Variants in MIER2 observed in about 807,000 individuals in gnomAD.
MIER2 encodes the protein mesoderm induction early response protein 2.
A neutral mutation model predicts 67.6 loss-of-function variants in MIER2; 30 were observed. The observed-to-expected ratio is 0.44, with a 90% CI of 0.33 to 0.60. MIER2 has a LOEUF of 0.60. Among genes scored for constraint, MIER2 ranks in the 20% least tolerant of loss-of-function variants. The probability of loss-of-function intolerance (pLI) is 0.02; values close to 1 mark genes in which losing one functional copy is unlikely to be tolerated. For missense variants in MIER2, 702 were observed against 745.1 expected (o/e 0.94, Z 0.67); for synonymous variants, 372 against 312.6 (o/e 1.19, Z -2.00).
chr19:344,197 C>T, intron 1 of MIER2: 1 of 985,436 alleles, frequency 1.0e-6, no homozygotes, highest in South Asian at 4.7e-5. Context: ...GACCCACCCA[C>T]CCTGCGCCCA....
rs1970772783 is a variant in MIER2 at position 308,572 on chromosome 19, C to G, written c.1198+5G>C. ...CCAGGGCAGGAGATACTCCCCAAGC[C>G]TCACCTGTGCGCATCCCAGTCAGGG... On this transcript the variant is annotated splice_donor_5th_base_variant and intron_variant, in intron 12 of 13. Coordinates refer to ENST00000264819, the MANE Select transcript of MIER2 (RefSeq NM_017550.3). The surrounding 1 kb of genome is among the most constrained non-coding windows in gnomAD (Gnocchi z 9.1). The G allele has an allele frequency of 6.3e-7, 1 of 1,596,238 alleles. No individual in the cohort carries two copies. Among genetic ancestry groups the G allele is most frequent in the Non-Finnish European group, 8.5e-7 (1 of 1,173,494 alleles).
chr19:309,139 C>A (rs1370668364), intron 10 of MIER2, among the ~76,000 whole-genome samples: 1 of 152,152 alleles, frequency 6.6e-6, no homozygotes, highest in Non-Finnish European at 1.5e-5. Flanking sequence ...TGTGGCACTG[C>A]CTCCTGTTTC....
chr19:334,799 A>G (rs576063689), intron 2 of MIER2, among the ~76,000 whole-genome samples: 26 of 152,280 alleles, frequency 1.7e-4, no homozygotes, highest in African/African-American at 4.1e-4. Flanking sequence ...TGTCTTCCTG[A>G]ACACAGAGAA....
intron 10 of MIER2, among the ~76,000 whole-genome samples, chr19:309,801 CACAA>C (rs1246717071): frequency 2.2e-5 from 3 of 138,112 alleles, no homozygotes; most frequent in African/African-American, 5.6e-5. Flanking sequence ...CACACACACA[CACAA>C]GGCTTCAGGG....
At chr19:324,767 G>A (rs2145457013) in intron 7 of MIER2, among the ~76,000 whole-genome samples, 1 of 152,350 alleles carries the variant, frequency 6.6e-6, no homozygotes, top group Non-Finnish European at 1.5e-5. Flanking sequence ...CTCCAGACAG[G>A]GCACCCTCAT....
At chr19:342,912 C>A (rs1356314553) in intron 1 of MIER2, among the ~76,000 whole-genome samples, 1 of 152,094 alleles carries the variant, frequency 6.6e-6, no homozygotes, top group Non-Finnish European at 1.5e-5. Flanking sequence ...CCCAAGACCA[C>A]ACAGAACAAG....
chr19:336,616 G>A (rs1470644501), intron 1 of MIER2, among the ~76,000 whole-genome samples: 1 of 152,216 alleles, frequency 6.6e-6, no homozygotes, highest in African/African-American at 2.4e-5. Context: ...CCAGGAGCCA[G>A]GGAGAGAGAC....
Position 325,672 on chromosome 19 carries a change from G to T in MIER2, c.618C>A (p.Asp206Glu). ...GCCGGTTCAAGTGCAGGTTGCTGAG[G>T]TCAGCTTGGAACTGAGGTCCCACCA... ...EIMVGPQFQA[D>E]LSNLHLNRHC... The change falls in exon 7 of 14, where the codon GAC becomes GAA. Residue 206 changes from aspartate (D) to glutamate (E), a missense_variant. Physicochemically the swap from Asp to Glu is conservative, Grantham distance 45. Coordinates refer to ENST00000264819, the MANE Select transcript of MIER2 (RefSeq NM_017550.3). The T allele has an allele frequency of 6.2e-7, 1 of 1,614,220 alleles. No homozygotes were observed. The highest frequency in any genetic ancestry group is 1.1e-5 in the South Asian group (1 of 91,086).
chr19:310,510 A>C (rs1970906652), intron 10 of MIER2, among the ~76,000 whole-genome samples: 1 of 150,812 alleles, frequency 6.6e-6, no homozygotes, highest in South Asian at 2.1e-4. Flanking sequence ...GAGTTACAAA[A>C]ACGCGGCCCT....
chr19:319,293 C>T (rs942279925), intron 7 of MIER2, among the ~76,000 whole-genome samples: 3 of 152,016 alleles, frequency 2.0e-5, no homozygotes, highest in Admixed American at 6.6e-5. Context: ...ACCTTGGAGG[C>T]GAAGTTTCCA....
At chr19:331,360 G>GAAAAAAA (rs917485905) in intron 3 of MIER2, among the ~76,000 whole-genome samples, 30 of 117,950 alleles carry the variant, frequency 2.5e-4, no homozygotes, top group African/African-American at 6.1e-4. Context: ...TCTGTCCCCA[G>GAAAAAAA]AAAAAAAAAA....
intron 3 of MIER2, 47 bp from the exon 4 acceptor site, chr19:328,036 G>A: frequency 6.2e-7 from 1 of 1,605,282 alleles, no homozygotes. Context: ...GACGGCTCTG[G>A]GGGTTCCTGT....
chr19:311,264 C>T (rs1970987510), intron 10 of MIER2, among the ~76,000 whole-genome samples: 1 of 152,250 alleles, frequency 6.6e-6, no homozygotes, highest in African/African-American at 2.4e-5. Context: ...AGATGTCTGA[C>T]TGCCAAGAGG....
intron 10 of MIER2, 87 bp from the exon 11 acceptor site, chr19:309,012 G>A (rs139315873): frequency 0.011 from 16,737 of 1,526,612 alleles, 109 homozygotes; most frequent in Non-Finnish European, 0.014. Context: ...CTGGGACCCC[G>A]GGACAGCACA....
At chr19:311,646 G>A (rs1971007444) in intron 10 of MIER2, among the ~76,000 whole-genome samples, 199 bp downstream of exon 10, 1 of 152,204 alleles carries the variant, frequency 6.6e-6, no homozygotes, top group African/African-American at 2.4e-5. Flanking sequence ...CCAGAGCCTT[G>A]TTCTTGTGGG....
Position 327,980 on chromosome 19 carries a change from T to C in MIER2, c.253A>G (p.Met85Val). The change falls in exon 4 of 14, where the codon ATG (methionine) becomes GTG (valine). Residue 85 changes from methionine (M) to valine (V), a missense_variant. By Grantham distance (21) the Met-to-Val change is conservative. Coordinates refer to ENST00000264819, the MANE Select transcript of MIER2 (RefSeq NM_017550.3). Reference sequence around the variant, plus strand: ...AGCGCAAGCAGCTCATCAAAGGGCATGTCGTTGCTCTGAGTTGGGGAAGGG... The same window carrying C: ...AGCGCAAGCAGCTCATCAAAGGGCACGTCGTTGCTCTGAGTTGGGGAAGGG... ...EKDFISQSND[M>V]PFDELLALYG... 6.2e-7 allele frequency: 1 copy of C among 1,613,182 alleles called. No individual in the cohort carries two copies. The highest frequency in any genetic ancestry group is 1.1e-5 in the South Asian group (1 of 91,036).
At chr19:334,267 C>T in intron 3 of MIER2, 133 bp downstream of exon 3, 2 of 1,297,208 alleles carry the variant, frequency 1.5e-6, no homozygotes, top group Non-Finnish European at 2.1e-6. Flanking sequence ...GCTACTAGGA[C>T]AGCATCTGGC....
intron 10 of MIER2, among the ~76,000 whole-genome samples, 188 bp from the exon 11 acceptor site, chr19:309,113 C>T (rs926711642): frequency 1.4e-4 from 21 of 152,122 alleles, no homozygotes; most frequent in African/African-American, 4.6e-4. Flanking sequence ...CCACAGGGAA[C>T]AGGGGCTCGG....
At chr19:318,236 T>C (rs535084158) in intron 7 of MIER2, among the ~76,000 whole-genome samples, 14 of 152,030 alleles carry the variant, frequency 9.2e-5, no homozygotes, top group Admixed American at 6.6e-4. Context: ...ACACTTCAAA[T>C]ATAGGAATCT....
Sources: gnomAD v4.1 joint callset for allele counts (sites outside exome capture counted in the v4.1 genomes callset) on GRCh38, gnomAD v4.1.1 for gene constraint, Gnocchi (gnomAD v3.1) non-coding constraint, MANE v1.5 for transcripts, NCBI Gene and HGNC (gene_info 2026-07-23, HGNC 2026-07-21) for gene names.